CD22: variants seen among roughly 807,000 people sequenced by gnomAD.
CD22 encodes the protein CD22 molecule.
A neutral mutation model predicts 94.7 loss-of-function variants in CD22; 51 were observed. The observed-to-expected ratio is 0.54, with a 90% CI of 0.43 to 0.68. CD22 has a LOEUF of 0.68. Among genes scored for constraint, CD22 ranks in the 30% least tolerant of loss-of-function variants. The pLI is 0.00. For missense variants in CD22, 931 were observed against 1,060.4 expected (o/e 0.88, Z 1.69); for synonymous variants, 424 against 422.5 (o/e 1.00, Z -0.04).
intron 2 of CD22, chr19:35,332,346 T>G: frequency 1.5e-6 from 1 of 658,366 alleles, no homozygotes; most frequent in Non-Finnish European, 2.5e-6. Flanking sequence ...GTGCAGTGGC[T>G]CATGCCTGAA....
At chr19:35,344,226 T>C (rs1224011483) in intron 9 of CD22, among the ~76,000 whole-genome samples, 1 of 152,152 alleles carries the variant, frequency 6.6e-6, no homozygotes, top group Non-Finnish European at 1.5e-5. Context: ...TAGGGAACCA[T>C]CACCAGCACG....
intron 6 of CD22, 65 bp downstream of exon 6, chr19:35,338,496 A>G: frequency 6.5e-7 from 1 of 1,542,036 alleles, no homozygotes; most frequent in Non-Finnish European, 8.8e-7. Flanking sequence ...GGGAAGGCAG[A>G]TGGGGTGCAG....
At position 35,338,206 on chromosome 19, in the gene CD22, C is replaced by T. The variant is rs781536221; in HGVS notation, c.1024C>T (p.Pro342Ser). 1.3e-5 allele frequency: 21 copies of T among 1,614,050 alleles called. 1 individual carries two copies. The South Asian group carries it at 1.9e-4, about 14-fold the overall frequency. ...TTCCACGGTTCAGATCCTCCACTCA[C>T]CGGCTGTGGAGGGAAGTCAAGTCGA... The part of the protein sequence containing the change: ...EPSTVQILHS[P>S]AVEGSQVEFL... The change falls in exon 6 of 14, where the codon CCG becomes TCG. Residue 342 changes from proline (P) to serine (S), a missense_variant. Physicochemically the swap from Pro to Ser is moderately conservative, Grantham distance 74. Transcript: ENST00000085219.
intron 9 of CD22, among the ~76,000 whole-genome samples, chr19:35,342,689 GT>G (rs567235277): frequency 3.3e-5 from 5 of 152,190 alleles, no homozygotes; most frequent in African/African-American, 1.2e-4. Flanking sequence ...TCCCTCTAGG[GT>G]CCCCTCTCAG....
intron 6 of CD22, among the ~76,000 whole-genome samples, chr19:35,338,698 G>A (rs761094717): frequency 1.3e-5 from 2 of 151,818 alleles, no homozygotes; most frequent in Non-Finnish European, 2.9e-5. Flanking sequence ...GCACAATCTC[G>A]GCTCACTGCA....
At chr19:35,342,426 C>T (rs1357870644) in intron 9 of CD22, among the ~76,000 whole-genome samples, 3 of 152,092 alleles carry the variant, frequency 2.0e-5, no homozygotes, top group Non-Finnish European at 4.4e-5. Flanking sequence ...GCCTCAGCTT[C>T]CCAAAGCCCT....
Position 35,332,791 on chromosome 19 carries a change from A to G in CD22, c.279A>G (p.Gln93=). The change falls in exon 3 of 14, where the codon CAA becomes CAG. Residue 93 remains glutamine (Q), a synonymous_variant. Coordinates refer to ENST00000085219, the MANE Select transcript of CD22 (RefSeq NM_001771.4). ...GKVPSEQKRV[Q]FLGDKNKNCT... is the part of the protein sequence containing the mutation. ...TTCCTTCTGAGCAGAAAAGGGTGCA[A>G]TTCCTGGGAGACAAGAATAAGAACT... 6.2e-7 allele frequency: 1 copy of G among 1,614,098 alleles called. No homozygotes were observed. Among genetic ancestry groups the G allele is most frequent in the East Asian group, 2.2e-5 (1 of 44,900 alleles).
chr19:35,346,075 G>A, intron 12 of CD22, 76 bp from the exon 13 acceptor site: 1 of 1,126,990 alleles, frequency 8.9e-7, no homozygotes, highest in South Asian at 1.2e-5. Context: ...TGCTGTTGGG[G>A]GCTCTGGGTG....
chr19:35,336,901 A>G (rs1350179972), intron 4 of CD22, among the ~76,000 whole-genome samples: 1 of 152,244 alleles, frequency 6.6e-6, no homozygotes. Context: ...TAGGAAAAAA[A>G]TAAGGCCGAG....
At chr19:35,339,971 G>A (rs1250727289) in intron 6 of CD22, among the ~76,000 whole-genome samples, 1 of 152,176 alleles carries the variant, frequency 6.6e-6, no homozygotes, top group Non-Finnish European at 1.5e-5. Context: ...GAGAACTGGG[G>A]CAAACTGTCT....
intron 3 of CD22, chr19:35,333,165 A>T (rs2066669678): frequency 1.9e-6 from 1 of 520,492 alleles, no homozygotes; most frequent in African/African-American, 1.9e-5. Flanking sequence ...GGATCTCCTG[A>T]TCTTTCCCTC....
In CD22 at chr19:35,341,361, G is replaced by C; in HGVS notation, c.1526G>C (p.Arg509Thr). ...CCTCCAGATGCCCCCCGAGACGTGA[G>C]GGTCCGGAAAATCAAGCCCCTTTCC... ...LNVQYAPRDV[R>T]VRKIKPLSEI... is the part of the protein sequence containing the mutation. The change falls in exon 8 of 14, where the codon AGG becomes ACG. Residue 509 changes from arginine (R) to threonine (T), a missense_variant. By Grantham distance (71) the Arg-to-Thr change is moderately conservative. Coordinates refer to ENST00000085219, the MANE Select transcript of CD22 (RefSeq NM_001771.4). The surrounding 1 kb of genome is among the most constrained non-coding windows in gnomAD (Gnocchi z 4.0). 1.2e-6 allele frequency: 2 copies of C among 1,613,700 alleles called. No individual in the cohort carries two copies. Among genetic ancestry groups the C allele is most frequent in the South Asian group, 2.2e-5 (2 of 91,062 alleles).
Position 35,346,194 on chromosome 19 carries a change from G to A in CD22, c.2371G>A (p.Asp791Asn), listed in dbSNP as rs74466487. Reference protein sequence around the residue: ...SEMQRPPPDCDDTVTYSALHK... With the variant: ...SEMQRPPPDCNDTVTYSALHK... Reference sequence around the variant, plus strand: ...GATGCAGAGACCTCCCCCGGACTGCGATGACACGGTCACTTATTCAGCATT... The same window carrying A: ...GATGCAGAGACCTCCCCCGGACTGCAATGACACGGTCACTTATTCAGCATT... Residue 791 changes from aspartate (D) to asparagine (N), a missense_variant, in exon 13 of 14, where the codon GAT becomes AAT. Transcript: ENST00000085219. 295 of 1,614,080 alleles carry A rather than the reference G, an allele frequency of 1.8e-4. 2 individuals are homozygous for A. The East Asian group carries it at 4.4e-3, about 24-fold the overall frequency.
rs148956606 is a variant in CD22, at chr19:35,346,617, T to A, written c.2464T>A (p.Tyr822Asn). 2.5e-6 allele frequency: 4 copies of A among 1,606,788 alleles called. No individual in the cohort carries two copies. Among genetic ancestry groups the A allele is most frequent in the Non-Finnish European group, 3.4e-6 (4 of 1,176,250 alleles). Reference sequence around the variant, plus strand: ...TTTTCCAGAAGATGAGGGGATTCATTACTCAGAGCTGATCCAGTTTGGGGT... The same window carrying A: ...TTTTCCAGAAGATGAGGGGATTCATAACTCAGAGCTGATCCAGTTTGGGGT... ...PDFPEDEGIH[Y>N]SELIQFGVGE... Residue 822 changes from tyrosine to asparagine, a missense_variant, in exon 14 of 14, where the codon TAC (tyrosine) becomes AAC (asparagine). By Grantham distance (143) the Tyr-to-Asn change is moderately radical. Transcript: ENST00000085219.
chr19:35,340,337 C>T (rs1374631308), intron 6 of CD22, among the ~76,000 whole-genome samples: 2 of 152,168 alleles, frequency 1.3e-5, no homozygotes, highest in African/African-American at 4.8e-5. Flanking sequence ...GGCTGGAGTG[C>T]AGTGGCTTGA....
chr19:35,341,695 C>T lies in CD22; in HGVS notation c.1772-7C>T, dbSNP rs376123363. The T allele has an allele frequency of 6.2e-7, 1 of 1,607,932 alleles. No individual in the cohort carries two copies. Among genetic ancestry groups the T allele is most frequent in the Non-Finnish European group, 8.5e-7 (1 of 1,177,704 alleles). The stretch of plus-strand genomic sequence containing the variant: ...CTTCGCACCCCCTCCCCCTGCCCGC[C>T]ATGCAGATGCACCCAGGAGGCTGCG... On this transcript the variant is annotated splice_region_variant and splice_polypyrimidine_tract_variant and intron_variant, in intron 8 of 13. Transcript: ENST00000085219. This position sits in a 1 kb window ranked among gnomAD's most constrained non-coding sequence, Gnocchi z 4.0.
chr19:35,336,261 A>T lies in CD22; in HGVS notation c.638A>T (p.His213Leu). 14 of 1,614,154 alleles carry T rather than the reference A, an allele frequency of 8.7e-6. No homozygotes were observed. The highest frequency in any genetic ancestry group is 1.1e-5 in the Non-Finnish European group (13 of 1,179,980). ...ELKFSPQWSH[H>L]GKIVTCQLQD... ...AAGTTCTCCCCACAGTGGAGTCACCATGGGAAGATTGTGACCTGCCAGCTT... is the reference window on the plus strand; with the variant it reads ...AAGTTCTCCCCACAGTGGAGTCACCTTGGGAAGATTGTGACCTGCCAGCTT... The change falls in exon 4 of 14, where the codon CAT becomes CTT. Residue 213 changes from histidine (H) to leucine (L), a missense_variant. Physicochemically the swap from His to Leu is moderately conservative, Grantham distance 99. Transcript: ENST00000085219.
At position 35,337,927 on chromosome 19, in the gene CD22, C is replaced by T. The variant is rs779035355; in HGVS notation, c.891C>T (p.Arg297=). 1.1e-5 allele frequency: 17 copies of T among 1,614,102 alleles called. No homozygotes were observed. Among genetic ancestry groups the T allele is most frequent in the African/African-American group, 5.3e-5 (4 of 74,934 alleles). The change falls in exon 5 of 14, where the codon CGC becomes CGT. Residue 297 remains arginine, a synonymous_variant. Coordinates refer to ENST00000085219, the MANE Select transcript of CD22 (RefSeq NM_001771.4). This position sits in a 1 kb window ranked among gnomAD's most constrained non-coding sequence, Gnocchi z 4.4. ...AGAATACATTCACGCTAAACCTGCG[C>T]GAAGTGACCAAGGACCAGAGTGGGA... The part of the protein sequence containing the change: ...KKQNTFTLNL[R]EVTKDQSGKY...
Position 35,337,679 on chromosome 19 carries a change from A to T in CD22, c.719-76A>T. ...GACTGGCAGGCCATGGCTTTGTCAG[A>T]ATAAAAGCACTTTCCACACCCTCCA... On this transcript the variant is annotated intron_variant, in intron 4 of 13. Coordinates refer to ENST00000085219, the MANE Select transcript of CD22 (RefSeq NM_001771.4). This position sits in a 1 kb window ranked among gnomAD's most constrained non-coding sequence, Gnocchi z 4.4. 8.2e-6 allele frequency: 11 copies of T among 1,345,994 alleles called. No individual in the cohort carries two copies. Among genetic ancestry groups the T allele is most frequent in the African/African-American group, 1.4e-5 (1 of 69,202 alleles). 83.4% of individuals were successfully genotyped at this position (1,345,994 alleles called of 1,614,324 possible).
Sources: allele counts gnomAD v4.1 joint callset (sites outside exome capture counted in the v4.1 genomes callset), GRCh38; gene constraint gnomAD v4.1.1; non-coding constraint Gnocchi (gnomAD v3.1); transcripts MANE v1.5; gene names NCBI Gene and HGNC (gene_info 2026-07-23, HGNC 2026-07-21).